The following ZNF578 variants were observed in gnomAD, a reference collection of about 807,000 sequenced individuals.
ZNF578 encodes the protein zinc finger protein 578, also known as Putative chemokine-related protein B42.
In ZNF578, 8 loss-of-function variants were observed where a neutral mutation model predicts 8.3. The observed-to-expected ratio is 0.96, with a 90% CI of 0.56 to 1.74. The LOEUF (loss-of-function observed/expected upper bound fraction) is 1.74. Among genes scored for constraint, ZNF578 ranks in the 40% most tolerant of loss-of-function variants. ZNF578 has a pLI of 0.00. For missense variants in ZNF578, 726 were observed against 707.5 expected (o/e 1.03, Z -0.30); for synonymous variants, 206 against 232.2 (o/e 0.89, Z 1.03).
intron 5 of ZNF578, among the ~76,000 whole-genome samples, chr19:52,509,574 C>T (rs897373299): frequency 2.0e-5 from 3 of 152,140 alleles, no homozygotes; most frequent in African/African-American, 7.2e-5. Flanking sequence ...GGAGACCAGC[C>T]TGGCCAACAT....
In ZNF578 at chr19:52,501,718, T is replaced by TGGG. The variant is rs113582885; in HGVS notation, c.-19-103_-19-101dup. 10 of 1,010,488 alleles carry TGGG rather than the reference T, an allele frequency of 9.9e-6. No individual in the cohort carries two copies. The African/African-American group carries it at 1.3e-4, about 13-fold the overall frequency. The allele number at this position is 1,010,488 out of a possible 1,614,324, so 62.6% of individuals were successfully genotyped here. A position where few individuals can be genotyped will look rare whatever the true frequency, so the allele number is the denominator to read the frequency against. ...GCATGATCTCTGGTGCAGTGGGCAG[T>TGGG]GGGGGGGGCTTCTTTGTACAGGGTG... On this transcript the variant is annotated intron_variant, in intron 3 of 5. Transcript: ENST00000421239.
chr19:52,482,902 C>T (rs2059331788), intron 2 of ZNF578, among the ~76,000 whole-genome samples: 1 of 148,762 alleles, frequency 6.7e-6, no homozygotes, highest in Non-Finnish European at 1.5e-5. Context: ...GATGGCACTA[C>T]CACACTGCAG....
chr19:52,475,592 C>G (rs914643375), intron 2 of ZNF578, among the ~76,000 whole-genome samples: 11 of 152,176 alleles, frequency 7.2e-5, no homozygotes, highest in African/African-American at 2.7e-4. Context: ...CCTCTGATCT[C>G]ATGATCCACC....
chr19:52,462,473 C>G (rs748796595), intron 2 of ZNF578, among the ~76,000 whole-genome samples: 1 of 152,110 alleles, frequency 6.6e-6, no homozygotes, highest in Non-Finnish European at 1.5e-5. Flanking sequence ...AAGTGACAGA[C>G]CTAATTAAAG....
intron 3 of ZNF578, among the ~76,000 whole-genome samples, chr19:52,500,813 T>C (rs1356837642): frequency 6.6e-6 from 1 of 151,954 alleles, no homozygotes; most frequent in African/African-American, 2.4e-5. Flanking sequence ...CTTTTCCCTT[T>C]TGCTTAGTGA....
At chr19:52,467,784 C>G (rs1358100781) in intron 2 of ZNF578, among the ~76,000 whole-genome samples, 1 of 152,010 alleles carries the variant, frequency 6.6e-6, no homozygotes, top group Non-Finnish European at 1.5e-5. Context: ...CATTTCCTAT[C>G]AAGGTGTTTT....
chr19:52,479,298 G>A (rs1272394008), intron 2 of ZNF578, among the ~76,000 whole-genome samples: 1 of 151,924 alleles, frequency 6.6e-6, no homozygotes, highest in Non-Finnish European at 1.5e-5. Context: ...CACTTTGGGA[G>A]GCCGAGGCGG....
intron 5 of ZNF578, among the ~76,000 whole-genome samples, chr19:52,507,709 G>A (rs983001152): frequency 6.6e-5 from 10 of 152,258 alleles, no homozygotes; most frequent in Admixed American, 2.0e-4. Flanking sequence ...TCCTGACATG[G>A]GGGAAAGAGG....
intron 3 of ZNF578, among the ~76,000 whole-genome samples, chr19:52,500,879 T>TAAA: frequency 2.1e-3 from 1 of 470 alleles, no homozygotes; most frequent in South Asian, 0.083. Context: ...TTGTGTGACT[T>TAAA]TTTTTTTTTT....
At chr19:52,505,957 G>A (rs1227662566) in intron 5 of ZNF578, among the ~76,000 whole-genome samples, 3 of 151,796 alleles carry the variant, frequency 2.0e-5, no homozygotes, top group African/African-American at 7.3e-5. Flanking sequence ...GAGTGCAGTG[G>A]CTTGATCTTG....
intron 2 of ZNF578, among the ~76,000 whole-genome samples, chr19:52,471,149 G>C (rs1016371029): frequency 6.6e-6 from 1 of 152,032 alleles, no homozygotes; most frequent in African/African-American, 2.4e-5. Context: ...TTATGCTTCC[G>C]GCACACCCTG....
At chr19:52,472,560 G>T (rs1395724996) in intron 2 of ZNF578, among the ~76,000 whole-genome samples, 2 of 152,108 alleles carry the variant, frequency 1.3e-5, no homozygotes, top group African/African-American at 4.8e-5. Context: ...ATTTCCCCTG[G>T]ATGATTTCTA....
intron 3 of ZNF578, among the ~76,000 whole-genome samples, chr19:52,499,191 C>G (rs1011352732): frequency 6.6e-6 from 1 of 152,172 alleles, no homozygotes; most frequent in Non-Finnish European, 1.5e-5. Flanking sequence ...GTGACACTGA[C>G]CCCTGAAACG....
chr19:52,488,530 A>G (rs943953419), intron 2 of ZNF578, among the ~76,000 whole-genome samples: 16 of 151,474 alleles, frequency 1.1e-4, no homozygotes, highest in Non-Finnish European at 1.9e-4. Context: ...AATGGCGTGA[A>G]CCCGGTAGGC....
At chr19:52,467,622 A>G (rs1171344556) in intron 2 of ZNF578, among the ~76,000 whole-genome samples, 1 of 151,934 alleles carries the variant, frequency 6.6e-6, no homozygotes, top group Non-Finnish European at 1.5e-5. Flanking sequence ...AGCTCTTAAA[A>G]AAGAAAAAAA....
chr19:52,498,906 C>T (rs906886304), intron 3 of ZNF578, among the ~76,000 whole-genome samples: 2 of 152,076 alleles, frequency 1.3e-5, no homozygotes, highest in African/African-American at 2.4e-5. Context: ...TGGTCTCAGA[C>T]TTCTTGGCTC....
chr19:52,466,337 A>T (rs1307114296), intron 2 of ZNF578, among the ~76,000 whole-genome samples: 1 of 152,132 alleles, frequency 6.6e-6, no homozygotes, highest in Non-Finnish European at 1.5e-5. Flanking sequence ...CCTTGAACAC[A>T]ATGTTTACAG....
At position 52,479,005 on chromosome 19, in the gene ZNF578, C is replaced by T. The variant is rs143648214; in HGVS notation, c.-121-12319C>T. 2.5e-3 allele frequency among the ~76,000 whole-genome samples: 382 copies of T among 151,694 alleles called. 2 individuals carry two copies. Among genetic ancestry groups the T allele is most frequent in the African/African-American group, 6.9e-3 (284 of 41,404 alleles). ...CTGGGATTACAGGCATGAGCCACCG[C>T]GCCCGGCTATTGATGAGCCCATTTT... On this transcript the variant is annotated intron_variant, in intron 2 of 5. Coordinates refer to ENST00000421239, the MANE Select transcript of ZNF578 (RefSeq NM_001099694.2).
intron 2 of ZNF578, among the ~76,000 whole-genome samples, chr19:52,468,864 T>G (rs2059283378): frequency 6.6e-6 from 1 of 152,204 alleles, no homozygotes; most frequent in Admixed American, 6.5e-5. Flanking sequence ...TATAGGTTCT[T>G]CAGCCTTTGG....
Sources: allele counts gnomAD v4.1 joint callset (sites outside exome capture counted in the v4.1 genomes callset), GRCh38; gene constraint gnomAD v4.1.1; transcripts MANE v1.5; gene names NCBI Gene and HGNC (gene_info 2026-07-23, HGNC 2026-07-21).